The following GIGYF2 variants were observed in gnomAD, a reference collection of about 807,000 sequenced individuals.
GIGYF2 encodes GRB10-interacting GYF protein 2.
A neutral mutation model predicts 208.1 loss-of-function variants in GIGYF2; 25 were observed. The observed-to-expected ratio is 0.12, with a 90% CI of 0.09 to 0.17. The LOEUF is 0.17. GIGYF2 is among the 10% of genes least tolerant of loss of function. The pLI is 1.00. For missense variants in GIGYF2, 1,302 were observed against 1,579.4 expected (o/e 0.82, Z 2.98); for synonymous variants, 534 against 543.8 (o/e 0.98, Z 0.25).
intron 7 of GIGYF2, among the ~76,000 whole-genome samples, chr2:232,760,907 C>G (rs1307132820): frequency 1.3e-5 from 2 of 151,470 alleles, no homozygotes; most frequent in Non-Finnish European, 2.9e-5. Flanking sequence ...TTGTTTGTGG[C>G]TTTATATGAA....
chr2:232,811,328 A>G lies in GIGYF2; in HGVS notation c.1983A>G (p.Gln661=), dbSNP rs1700728349. 4 of 1,603,206 alleles carry G rather than the reference A, an allele frequency of 2.5e-6. No individual in the cohort carries two copies. The highest frequency in any genetic ancestry group is 2.2e-5 in the East Asian group (1 of 44,828). ...QQQQQLALLL[Q]QFQTLKMRIS... ...AGCAGCAGTTGGCACTTCTTCTTCA[A>G]CAGTTTCAGACCTTGAAGATGAGGT... The change falls in exon 17 of 29, where the codon CAA becomes CAG. Residue 661 remains glutamine, a synonymous_variant. Transcript: ENST00000373563.
rs1366952975 is a variant in GIGYF2 at position 232,790,966 on chromosome 2, C to T, written c.931-42C>T. On this transcript the variant is annotated intron_variant, in intron 10 of 28. Coordinates refer to ENST00000373563, the MANE Select transcript of GIGYF2 (RefSeq NM_001103146.3). ...GACCAGCATTAACCTTATACCAAAGCCAAATCTGCTGTTGATCTTTGGTTT... is the reference window on the plus strand; with the variant it reads ...GACCAGCATTAACCTTATACCAAAGTCAAATCTGCTGTTGATCTTTGGTTT... 9 of 1,611,976 alleles carry T rather than the reference C, an allele frequency of 5.6e-6. No individual in the cohort carries two copies. The South Asian group carries it at 8.8e-5, about 16-fold the overall frequency.
chr2:232,796,906 G>A (rs1442367520), intron 14 of GIGYF2, among the ~76,000 whole-genome samples: 3 of 152,156 alleles, frequency 2.0e-5, no homozygotes, highest in Non-Finnish European at 4.4e-5. Flanking sequence ...AAATATGACA[G>A]GGATAATATT....
chr2:232,735,775 C>T (rs1697707695), intron 3 of GIGYF2: 4 of 985,102 alleles, frequency 4.1e-6, no homozygotes, highest in Non-Finnish European at 4.8e-6. Flanking sequence ...GTGTTTGGAC[C>T]CCGAATATGG....
intron 5 of GIGYF2, 81 bp from the exon 6 acceptor site, chr2:232,756,142 A>C: frequency 1.3e-6 from 1 of 785,130 alleles, no homozygotes; most frequent in Non-Finnish European, 2.1e-6. Flanking sequence ...GGGGAGAAGC[A>C]ACATGTAGTT....
intron 7 of GIGYF2, among the ~76,000 whole-genome samples, chr2:232,761,028 TG>T (rs1304301614): frequency 6.6e-6 from 1 of 152,084 alleles, no homozygotes; most frequent in African/African-American, 2.4e-5. Context: ...AGATTGATGT[TG>T]GCCTTATATA....
intron 8 of GIGYF2, chr2:232,776,323 T>C (rs1294101251): frequency 5.7e-6 from 4 of 704,934 alleles, no homozygotes; most frequent in South Asian, 1.8e-5. Context: ...TCCTACACTA[T>C]AGATAATGTC....
At chr2:232,795,796 GTGTT>G (rs978143644) in intron 13 of GIGYF2, among the ~76,000 whole-genome samples, 7 of 152,168 alleles carry the variant, frequency 4.6e-5, no homozygotes, top group African/African-American at 1.7e-4. Context: ...ATCCAGAGCA[GTGTT>G]TGTTTTAATC....
intron 8 of GIGYF2, chr2:232,766,343 A>G (rs1698962684): frequency 5.4e-6 from 1 of 186,674 alleles, no homozygotes; most frequent in South Asian, 9.9e-5. Flanking sequence ...ATCTGACTTA[A>G]ATGGAACCTT....
intron 3 of GIGYF2, among the ~76,000 whole-genome samples, chr2:232,743,568 C>T (rs755647354): frequency 9.9e-5 from 15 of 152,154 alleles, no homozygotes; most frequent in Non-Finnish European, 1.8e-4. Context: ...CTCCTGCCTT[C>T]CACCCCCAAG....
chr2:232,776,646 C>T, intron 8 of GIGYF2: 4 of 603,976 alleles, frequency 6.6e-6, no homozygotes, highest in Admixed American at 2.7e-5. Context: ...GTCACTTAGC[C>T]TGCAGGGGGG....
At chr2:232,815,588 A>G (rs1315323925) in intron 18 of GIGYF2, 49 bp from the exon 19 acceptor site, 3 of 973,332 alleles carry the variant, frequency 3.1e-6, no homozygotes, top group Non-Finnish European at 1.7e-6. Flanking sequence ...ATATGTCACC[A>G]TGTGTGTAAG....
chr2:232,820,962 C>G (rs1701062367), intron 21 of GIGYF2, among the ~76,000 whole-genome samples: 1 of 151,782 alleles, frequency 6.6e-6, no homozygotes, highest in South Asian at 2.1e-4. Context: ...TCCCAAGTAC[C>G]TGGGACTGCA....
intron 3 of GIGYF2, among the ~76,000 whole-genome samples, chr2:232,737,661 A>G (rs955478062): frequency 6.6e-6 from 1 of 152,184 alleles, no homozygotes; most frequent in Non-Finnish European, 1.5e-5. Flanking sequence ...AGCTGTGCCC[A>G]GGGTACTTGA....
intron 8 of GIGYF2, among the ~76,000 whole-genome samples, chr2:232,773,974 C>G (rs1574866071): frequency 6.7e-6 from 1 of 150,358 alleles, no homozygotes; most frequent in Non-Finnish European, 1.5e-5. Flanking sequence ...ACTATTAGTC[C>G]CATTTTACAG....
rs772653772 is a variant in GIGYF2 at position 232,844,090 on chromosome 2, G to GCAGCAA, written c.2946_2951dup (p.Gln983_Gln984dup). The GCAGCAA allele has an allele frequency of 1.2e-6, 2 of 1,606,264 alleles. No individual in the cohort carries two copies. The highest frequency in any genetic ancestry group is 1.3e-5 in the African/African-American group (1 of 74,812). ...AGTTGATGAAAGCTCTTCAGCAGCAGCAGCAACAGCAACAGCAGAAACTCT... is the reference window on the plus strand; with the variant it reads ...AGTTGATGAAAGCTCTTCAGCAGCAGCAGCAACAGCAACAGCAACAGCAGAAACTCT... On this transcript the variant is annotated inframe_insertion, in exon 24 of 29. Transcript: ENST00000373563.
chr2:232,837,282 T>G (rs1312582349), intron 22 of GIGYF2, among the ~76,000 whole-genome samples: 1 of 152,214 alleles, frequency 6.6e-6, no homozygotes, highest in Non-Finnish European at 1.5e-5. Context: ...GGAAGCCGTG[T>G]CTTGACTGTA....
intron 2 of GIGYF2, chr2:232,729,953 C>A: frequency 2.8e-6 from 2 of 726,502 alleles, no homozygotes; most frequent in South Asian, 1.5e-5. Flanking sequence ...CTTCCATATC[C>A]ACAGGACCAT....
intron 21 of GIGYF2, among the ~76,000 whole-genome samples, chr2:232,828,908 C>T (rs879312359): frequency 6.6e-6 from 1 of 152,092 alleles, no homozygotes; most frequent in East Asian, 1.9e-4. Context: ...GCTTGGCCTC[C>T]TACATTTGAA....
Sources: gnomAD v4.1 joint callset for allele counts (sites outside exome capture counted in the v4.1 genomes callset) on GRCh38, gnomAD v4.1.1 for gene constraint, MANE v1.5 for transcripts, NCBI Gene and HGNC (gene_info 2026-07-23, HGNC 2026-07-21) for gene names.